Variants in BANK1 observed in about 807,000 individuals in gnomAD.
BANK1 encodes B cell scaffold protein with ankyrin repeats 1, also known as B-cell scaffold protein with ankyrin repeats.
A neutral mutation model predicts 94.5 loss-of-function variants in BANK1; 95 were observed. That is an observed-to-expected ratio of 1.00 (90% CI 0.85 to 1.19). The LOEUF is 1.19. Ranked by LOEUF, BANK1 falls within the 50% of genes most tolerant of loss-of-function variation. The pLI is 0.00. For missense variants in BANK1, 987 were observed against 932.2 expected, an observed-to-expected ratio of 1.06 and a Z score of -0.77; for synonymous variants, 334 against 308.4, an observed-to-expected ratio of 1.08 and a Z score of -0.87.
intron 1 of BANK1, among the ~76,000 whole-genome samples, chr4:101,825,720 T>G (rs1260506950): frequency 6.6e-6 from 1 of 152,002 alleles, no homozygotes; most frequent in Non-Finnish European, 1.5e-5. Context: ...TTGAGAAAAC[T>G]AAAGATTAAA....
intron 1 of BANK1, among the ~76,000 whole-genome samples, chr4:101,818,050 C>A (rs1725986169): frequency 6.6e-6 from 1 of 152,102 alleles, no homozygotes; most frequent in Admixed American, 6.6e-5. Flanking sequence ...CATATTATGA[C>A]AACTAGAGCA....
At chr4:102,072,658 AATCTT>A (rs1229843562) in intron 15 of BANK1, among the ~76,000 whole-genome samples, 1 of 152,208 alleles carries the variant, frequency 6.6e-6, no homozygotes, top group Admixed American at 6.5e-5. Flanking sequence ...AGACCAAAAA[AATCTT>A]AGAGGAATTA....
rs1403086540 is a variant in BANK1 at position 102,056,178 on chromosome 4, G to C, written c.1970-4033G>C. Among the ~76,000 whole-genome samples, 7 of 152,138 alleles carry C rather than the reference G, an allele frequency of 4.6e-5. 1 individual carries two copies. The highest frequency in any genetic ancestry group is 4.6e-4 in the Admixed American group (7 of 15,280). On this transcript the variant is annotated intron_variant, in intron 11 of 16. Coordinates refer to ENST00000322953, the MANE Select transcript of BANK1 (RefSeq NM_017935.5). ...ACAAACACTCCCTCATCCTACTGGT[G>C]AGACTGTACATGACAACACATTCCA...
intron 2 of BANK1, among the ~76,000 whole-genome samples, chr4:101,849,654 TA>T (rs1578355315): frequency 1.3e-5 from 2 of 152,150 alleles, no homozygotes; most frequent in Non-Finnish European, 2.9e-5. Flanking sequence ...ATATACACAA[TA>T]AAATTTGTGT....
intron 7 of BANK1, among the ~76,000 whole-genome samples, chr4:101,953,530 G>C (rs1430296119): frequency 1.3e-5 from 2 of 151,336 alleles, no homozygotes; most frequent in Admixed American, 1.3e-4. Context: ...TTGTTTTCTG[G>C]ATCTATTTAG....
intron 7 of BANK1, among the ~76,000 whole-genome samples, chr4:102,010,740 T>C (rs1208276288): frequency 1.3e-5 from 2 of 152,184 alleles, no homozygotes; most frequent in Non-Finnish European, 2.9e-5. Flanking sequence ...TGTCTACAAA[T>C]ACAGGGCATA....
At chr4:101,840,878 A>T (rs1372571871) in intron 2 of BANK1, among the ~76,000 whole-genome samples, 1 of 152,156 alleles carries the variant, frequency 6.6e-6, no homozygotes, top group Non-Finnish European at 1.5e-5. Context: ...GTCTCACTCT[A>T]GAATGCAGTG....
intron 15 of BANK1, among the ~76,000 whole-genome samples, chr4:102,072,665 G>A (rs1211341333): frequency 6.6e-6 from 1 of 152,144 alleles, no homozygotes. Context: ...AAAAATCTTA[G>A]AGGAATTATC....
chr4:101,869,258 T>G (rs1327687286), intron 4 of BANK1, among the ~76,000 whole-genome samples: 1 of 151,960 alleles, frequency 6.6e-6, no homozygotes, highest in Non-Finnish European at 1.5e-5. Context: ...TAAATTTATC[T>G]TTATAAAATC....
At chr4:102,052,719 T>C (rs978381755) in intron 11 of BANK1, among the ~76,000 whole-genome samples, 1 of 152,174 alleles carries the variant, frequency 6.6e-6, no homozygotes, top group Non-Finnish European at 1.5e-5. Flanking sequence ...TAAGGCGGTA[T>C]GTGTTAATTT....
chr4:101,876,019 A>G (rs1728477164), intron 5 of BANK1, among the ~76,000 whole-genome samples: 1 of 152,162 alleles, frequency 6.6e-6, no homozygotes, highest in African/African-American at 2.4e-5. Context: ...TAGGAAAGGA[A>G]TGGAAGAGTG....
intron 5 of BANK1, 36 bp from the exon 6 acceptor site, chr4:101,895,269 A>C (rs771877878): frequency 1.7e-6 from 2 of 1,206,912 alleles, no homozygotes; most frequent in African/African-American, 3.2e-5. Flanking sequence ...GTAAATAATT[A>C]ACCTAGTGAA....
intron 7 of BANK1, among the ~76,000 whole-genome samples, chr4:101,974,837 A>G (rs944558522): frequency 2.0e-5 from 3 of 152,002 alleles, no homozygotes; most frequent in Non-Finnish European, 4.4e-5. Flanking sequence ...GGTGCCTGTA[A>G]TCCCAGCTAC....
chr4:101,855,013 A>G, intron 2 of BANK1, 22 bp from the exon 3 acceptor site: 1 of 1,572,298 alleles, frequency 6.4e-7, no homozygotes, highest in South Asian at 1.1e-5. Context: ...ATTATAATCT[A>G]CATTCATAAA....
At chr4:101,827,867 C>G (rs1360477160) in intron 1 of BANK1, among the ~76,000 whole-genome samples, 1 of 151,784 alleles carries the variant, frequency 6.6e-6, no homozygotes, top group South Asian at 2.1e-4. Flanking sequence ...TTGCATATTT[C>G]AAAAAGATAC....
chr4:101,831,034 T>G (rs1273061005), intron 2 of BANK1, among the ~76,000 whole-genome samples: 1 of 152,196 alleles, frequency 6.6e-6, no homozygotes, highest in Non-Finnish European at 1.5e-5. Context: ...TAGCTGTGGT[T>G]GTCTAATGCA....
intron 7 of BANK1, among the ~76,000 whole-genome samples, chr4:101,933,855 G>T (rs1401568112): frequency 6.6e-6 from 1 of 151,470 alleles, no homozygotes; most frequent in African/African-American, 2.4e-5. Flanking sequence ...ACTGTGTATA[G>T]TTTTATAAAT....
intron 5 of BANK1, among the ~76,000 whole-genome samples, chr4:101,889,369 C>T (rs114614648): frequency 0.21 from 32,359 of 151,590 alleles, 4,611 homozygotes; most frequent in Non-Finnish European, 0.29. Flanking sequence ...CAGGCCGAGG[C>T]GGGTGGATCA....
intron 7 of BANK1, among the ~76,000 whole-genome samples, chr4:101,992,412 T>A (rs1219444606): frequency 1.3e-5 from 2 of 152,154 alleles, no homozygotes; most frequent in Non-Finnish European, 2.9e-5. Flanking sequence ...CACAATAATA[T>A]TTTTTTGTTC....
Sources: gnomAD v4.1 joint callset for allele counts (sites outside exome capture counted in the v4.1 genomes callset) on GRCh38, gnomAD v4.1.1 for gene constraint, MANE v1.5 for transcripts, NCBI Gene and HGNC (gene_info 2026-07-23, HGNC 2026-07-21) for gene names.